Variants in DNAJB6 observed in about 807,000 individuals in gnomAD.
DNAJB6 encodes the protein dnaJ homolog subfamily B member 6.
In DNAJB6, 16 loss-of-function variants were observed where a neutral mutation model predicts 42.7. That is an observed-to-expected ratio of 0.37 (90% CI 0.25 to 0.57). The LOEUF is 0.57. DNAJB6 is among the 20% of genes least tolerant of loss of function. DNAJB6 has a pLI of 0.74. For synonymous variants in DNAJB6, 170 were observed against 163.5 expected (o/e 1.04, Z -0.30); for missense variants, 347 against 416.8 (o/e 0.83, Z 1.46).
At chr7:157,404,928 T>C (rs1188291947) in intron 8 of DNAJB6, among the ~76,000 whole-genome samples, 4 of 152,222 alleles carry the variant, frequency 2.6e-5, no homozygotes, top group South Asian at 2.1e-4. Flanking sequence ...TGTGAGCCAC[T>C]GTGCCAGCCT....
intron 1 of DNAJB6, among the ~76,000 whole-genome samples, chr7:157,339,464 A>AT (rs1233710896): frequency 6.6e-6 from 1 of 150,696 alleles, no homozygotes; most frequent in Non-Finnish European, 1.5e-5. Context: ...CAGCCGGCTA[A>AT]TTTTTTTGTA....
intron 8 of DNAJB6, among the ~76,000 whole-genome samples, chr7:157,403,308 A>G (rs989193287): frequency 3.9e-5 from 6 of 152,172 alleles, no homozygotes; most frequent in African/African-American, 7.2e-5. Flanking sequence ...TCGGGGGAGC[A>G]GAGGGATGAC....
chr7:157,382,878 A>G (rs999298261), intron 6 of DNAJB6: 1 of 152,334 alleles, frequency 6.6e-6, no homozygotes, highest in Non-Finnish European at 1.5e-5. Context: ...GATGGAAACA[A>G]GCTTGTAGAC....
At chr7:157,348,292 C>T (rs1230157916) in intron 1 of DNAJB6, among the ~76,000 whole-genome samples, 3 of 147,798 alleles carry the variant, frequency 2.0e-5, no homozygotes, top group African/African-American at 7.5e-5. Context: ...TGGGGTTTCG[C>T]CATGTTGGCC....
intron 8 of DNAJB6, among the ~76,000 whole-genome samples, chr7:157,397,514 T>C (rs1226465962): frequency 1.3e-5 from 2 of 152,212 alleles, no homozygotes; most frequent in Admixed American, 6.5e-5. Context: ...CCTCTTATGC[T>C]GGGAGGAATC....
At position 157,409,827 on chromosome 7, in the gene DNAJB6, C is replaced by T. The variant is rs1318662180; in HGVS notation, c.724C>T (p.Arg242Cys). The T allele has an allele frequency of 1.3e-6, 2 of 1,533,144 alleles. No homozygotes were observed. Among genetic ancestry groups the T allele is most frequent in the Non-Finnish European group, 1.7e-6 (2 of 1,145,244 alleles). The allele number at this position is 1,533,144 out of a possible 1,614,324, so 95.0% of individuals were successfully genotyped here. The change falls in exon 9 of 10, where the codon CGC becomes TGC. Residue 242 changes from arginine (R) to cysteine (C), a missense_variant. Around this residue, in one of 3 missense-constraint regions of DNAJB6, gnomAD observed 264 missense variants for 288.0 expected, o/e 0.92. Transcript: ENST00000262177. ...VADDDALAEE[R>C]MRRGQNALPA... ...CGACGACGATGCCCTCGCTGAGGAG[C>T]GCATGCGGAGAGGCCAGAACGCCCT...
chr7:157,413,966 C>T (rs563536664), intron 9 of DNAJB6: 1 of 152,366 alleles, frequency 6.6e-6, no homozygotes, highest in Admixed American at 6.5e-5. Context: ...AGGTGATCCC[C>T]CCGCTTCAGC....
At chr7:157,400,506 T>C (rs1375066146) in intron 8 of DNAJB6, among the ~76,000 whole-genome samples, 1 of 152,234 alleles carries the variant, frequency 6.6e-6, no homozygotes, top group Non-Finnish European at 1.5e-5. Flanking sequence ...ACTCTAAAGC[T>C]GGGTCCTAAA....
Position 157,416,274 on chromosome 7 carries a change from C to T in DNAJB6, c.*176C>T, listed in dbSNP as rs756598628. ...GAGCAGGGTCAGGAGACGGGGCTGA[C>T]GGCACGGGTGGCGGGGACAGACGTT... On this transcript the variant is annotated 3_prime_UTR_variant, in exon 10 of 10. Transcript: ENST00000262177. The T allele has an allele frequency of 2.5e-4, 241 of 982,362 alleles. No homozygotes were observed. Among genetic ancestry groups the T allele is most frequent in the Non-Finnish European group, 3.2e-4 (218 of 682,522 alleles). 60.9% of individuals were successfully genotyped at this position (982,362 alleles called of 1,614,324 possible).
intron 2 of DNAJB6, among the ~76,000 whole-genome samples, chr7:157,361,034 C>T (rs1799558115): frequency 6.6e-6 from 1 of 152,070 alleles, no homozygotes; most frequent in Non-Finnish European, 1.5e-5. Context: ...GCCAAGTTTT[C>T]ATATGAACAC....
rs897515730 is a variant in DNAJB6 at position 157,400,662 on chromosome 7, G to A, written c.692-9133G>A. 8.5e-5 allele frequency among the ~76,000 whole-genome samples: 13 copies of A among 152,328 alleles called. No individual in the cohort carries two copies. In the East Asian group the frequency reaches 1.5e-3, roughly 18 times the overall value. On this transcript the variant is annotated intron_variant, in intron 8 of 9. Transcript: ENST00000262177. Reference sequence around the variant, plus strand: ...CCAGGCTCACCGCCGGGGCTCTTGCGTCCGCCTGGCACGTGTCAGCTGTGG... The same window carrying A: ...CCAGGCTCACCGCCGGGGCTCTTGCATCCGCCTGGCACGTGTCAGCTGTGG...
chr7:157,399,235 C>T (rs547315161), intron 8 of DNAJB6, among the ~76,000 whole-genome samples: 13 of 152,180 alleles, frequency 8.5e-5, no homozygotes, highest in African/African-American at 3.1e-4. Context: ...TTTTGCAGGT[C>T]GGGTCCCTGT....
chr7:157,344,978 GTTTT>G (rs1354428646), intron 1 of DNAJB6, among the ~76,000 whole-genome samples: 2 of 151,972 alleles, frequency 1.3e-5, no homozygotes, highest in Non-Finnish European at 1.5e-5. Flanking sequence ...TAACTTTAAA[GTTTT>G]TTGTTTATTT....
intron 1 of DNAJB6, among the ~76,000 whole-genome samples, chr7:157,339,463 AATTTTTTTGT>A (rs931478115): frequency 6.6e-6 from 1 of 150,886 alleles, no homozygotes; most frequent in Non-Finnish European, 1.5e-5. Flanking sequence ...ACAGCCGGCT[AATTTTTTTGT>A]ATTTTTTTAG....
chr7:157,392,543 A>G (rs533033856), intron 8 of DNAJB6, among the ~76,000 whole-genome samples: 138 of 152,190 alleles, frequency 9.1e-4, no homozygotes, highest in African/African-American at 3.2e-3. Context: ...GGAAACAGCC[A>G]GCTTTGTCCC....
At chr7:157,382,437 A>G in intron 6 of DNAJB6, 60 bp downstream of exon 6, 5 of 1,526,004 alleles carry the variant, frequency 3.3e-6, no homozygotes, top group Non-Finnish European at 4.4e-6. Flanking sequence ...TTATAAAATC[A>G]TAATACTCTT....
At chr7:157,382,602 T>C (rs1003404116) in intron 6 of DNAJB6, 1 of 329,290 alleles carries the variant, frequency 3.0e-6, no homozygotes, top group African/African-American at 2.2e-5. Context: ...CTTAATATAA[T>C]AATCAAGGCC....
At chr7:157,409,385 A>G (rs1470133250) in intron 8 of DNAJB6, among the ~76,000 whole-genome samples, 2 of 152,046 alleles carry the variant, frequency 1.3e-5, no homozygotes, top group East Asian at 3.9e-4. Flanking sequence ...TCTTCCGTGT[A>G]TGGACTCAGG....
At chr7:157,373,742 C>G (rs1374617069) in intron 5 of DNAJB6, among the ~76,000 whole-genome samples, 1 of 152,158 alleles carries the variant, frequency 6.6e-6, no homozygotes, top group East Asian at 1.9e-4. Flanking sequence ...TGCTGGTGAC[C>G]TGGACCCACT....
Sources: allele counts gnomAD v4.1 joint callset (sites outside exome capture counted in the v4.1 genomes callset), GRCh38; gene constraint gnomAD v4.1.1; regional missense constraint gnomAD v4.1.1; transcripts MANE v1.5; gene names NCBI Gene and HGNC (gene_info 2026-07-23, HGNC 2026-07-21).